The following IQCK variants were observed in gnomAD, a reference collection of about 807,000 sequenced individuals.
IQCK encodes the protein IQ domain-containing protein K.
Under a neutral mutation model 28.1 loss-of-function variants are expected in IQCK, and 29 were observed. The ratio of observed to expected loss-of-function variants is 1.03; its 90% CI spans 0.77 to 1.41. IQCK has a LOEUF of 1.41. IQCK is among the 40% of genes most tolerant of loss of function. The pLI is 0.00. For synonymous variants in IQCK, 113 were observed against 115.1 expected (o/e 0.98, Z 0.12); for missense variants, 359 against 314.7 (o/e 1.14, Z -1.07).
chr16:19,849,883 C>A (rs1323097933), intron 9 of IQCK, among the ~76,000 whole-genome samples: 2 of 152,208 alleles, frequency 1.3e-5, no homozygotes, highest in Non-Finnish European at 2.9e-5. Context: ...CAGACAGAAG[C>A]CTCCATGCCC....
At chr16:19,743,004 A>G (rs1395932342) in intron 4 of IQCK, among the ~76,000 whole-genome samples, 1 of 152,162 alleles carries the variant, frequency 6.6e-6, no homozygotes, top group African/African-American at 2.4e-5. Flanking sequence ...CCCTGTCTCT[A>G]CTAAGAATAC....
chr16:19,739,888 T>C (rs72769533), intron 4 of IQCK, among the ~76,000 whole-genome samples: 15,039 of 152,314 alleles, frequency 0.099, 849 homozygotes, highest in Non-Finnish European at 0.13. Flanking sequence ...ATGCACCATC[T>C]TGTTTCACCC....
At chr16:19,807,261 C>T (rs908448443) in intron 7 of IQCK, among the ~76,000 whole-genome samples, 3 of 152,202 alleles carry the variant, frequency 2.0e-5, no homozygotes, top group African/African-American at 7.2e-5. Context: ...CAGCTGACAT[C>T]CTAACTGCAG....
intron 9 of IQCK, among the ~76,000 whole-genome samples, chr16:19,842,050 T>C (rs1197866223): frequency 3.9e-5 from 6 of 152,162 alleles, no homozygotes; most frequent in Non-Finnish European, 8.8e-5. Context: ...TTCACCATGT[T>C]GGCCAGGCTG....
intron 4 of IQCK, among the ~76,000 whole-genome samples, chr16:19,754,452 T>A (rs1014385871): frequency 3.9e-5 from 6 of 152,216 alleles, no homozygotes; most frequent in Admixed American, 6.5e-5. Context: ...TTACTCCATG[T>A]AACGTAAAAT....
intron 4 of IQCK, among the ~76,000 whole-genome samples, chr16:19,745,961 T>G (rs527419909): frequency 6.6e-6 from 1 of 152,218 alleles, no homozygotes; most frequent in South Asian, 2.1e-4. Context: ...AAAGCAAAAG[T>G]GCAAAGCCAA....
Position 19,718,440 on chromosome 16 carries a change from AG to A in IQCK, c.136del (p.Val46SerfsTer35), listed in dbSNP as rs1977329375. ...CGCGAGCTGCCTGTCTCGTCGTGGC[AG>A]GTCACCGAGCCGTCAAGCAAGAATC... On this transcript the variant is annotated frameshift_variant, in exon 1 of 8. Coordinates refer to ENST00000564186, the Ensembl canonical transcript of IQCK. LOFTEE classifies it high-confidence loss of function. The A allele has an allele frequency of 6.2e-7, 1 of 1,606,642 alleles. No homozygotes were observed. The highest frequency in any genetic ancestry group is 8.5e-7 in the Non-Finnish European group (1 of 1,177,798).
chr16:19,833,946 G>A (rs2056264157), intron 9 of IQCK, among the ~76,000 whole-genome samples: 1 of 152,046 alleles, frequency 6.6e-6, no homozygotes, highest in Non-Finnish European at 1.5e-5. Context: ...AAATTAGCCA[G>A]GCGTGCTAGC....
In IQCK at chr16:19,814,739, G is replaced by T. The variant is rs138146076; in HGVS notation, c.691-12287G>T. 5.5e-4 allele frequency among the ~76,000 whole-genome samples: 83 copies of T among 150,698 alleles called. 1 individual carries two copies. The Middle Eastern group carries it at 0.028, about 50-fold the overall frequency. The stretch of plus-strand genomic sequence containing the variant: ...AGAAAAGTAATATAGCAATATTAAG[G>T]TGAGATAAATAGACAAAAGGCCGAA... On this transcript the variant is annotated intron_variant, in intron 7 of 7. Coordinates refer to ENST00000564186, the Ensembl canonical transcript of IQCK.
chr16:19,816,117 G>A lies in IQCK; in HGVS notation c.691-10909G>A, dbSNP rs189958845. 3.6e-4 allele frequency among the ~76,000 whole-genome samples: 55 copies of A among 152,206 alleles called. No individual in the cohort carries two copies. The East Asian group carries it at 0.01, about 28-fold the overall frequency. ...CTCCAGAGCAATTAGAAAAAGCCCTGGGAATCATCCTCAGTCATCCAGGCT... is the reference window on the plus strand; with the variant it reads ...CTCCAGAGCAATTAGAAAAAGCCCTAGGAATCATCCTCAGTCATCCAGGCT... On this transcript the variant is annotated intron_variant, in intron 7 of 7. Coordinates refer to ENST00000564186, the Ensembl canonical transcript of IQCK.
At chr16:19,845,903 C>A (rs922369864) in intron 9 of IQCK, among the ~76,000 whole-genome samples, 1 of 151,810 alleles carries the variant, frequency 6.6e-6, no homozygotes, top group Non-Finnish European at 1.5e-5. Context: ...GGTGAAACCC[C>A]ATCTCTACCA....
chr16:19,735,303 G>T (rs774424808), intron 3 of IQCK, 50 bp from the exon 4 acceptor site: 2 of 1,238,530 alleles, frequency 1.6e-6, no homozygotes, highest in South Asian at 1.2e-5. Context: ...TCCCAGATTG[G>T]CTCGGGCCAC....
intron 6 of IQCK, among the ~76,000 whole-genome samples, chr16:19,768,549 C>G (rs940205989): frequency 6.6e-6 from 1 of 152,232 alleles, no homozygotes; most frequent in African/African-American, 2.4e-5. Flanking sequence ...GAGTTTGAGA[C>G]TAGCCTGGCC....
At chr16:19,846,965 G>A (rs969270927) in intron 9 of IQCK, among the ~76,000 whole-genome samples, 2 of 152,120 alleles carry the variant, frequency 1.3e-5, no homozygotes, top group African/African-American at 4.8e-5. Context: ...GGTGTCAGAT[G>A]ATGGTTAAGA....
chr16:19,733,727 T>C (rs887739989), exon 3 of IQCK: 13 of 1,614,104 alleles, frequency 8.1e-6, no homozygotes, highest in South Asian at 1.1e-5. Context: ...TGCTTTTTCA[T>C]GGCTTCAGTG....
At chr16:19,772,523 A>G (rs2055333386) in intron 6 of IQCK, among the ~76,000 whole-genome samples, 1 of 152,194 alleles carries the variant, frequency 6.6e-6, no homozygotes, top group South Asian at 2.1e-4. Context: ...ATTACTTTTC[A>G]GAGAAACATG....
At chr16:19,732,755 A>G (rs1977880487) in intron 2 of IQCK, among the ~76,000 whole-genome samples, 1 of 152,114 alleles carries the variant, frequency 6.6e-6, no homozygotes, top group South Asian at 2.1e-4. Flanking sequence ...GAGCCACCAC[A>G]CCCAGCACAA....
chr16:19,739,665 A>G (rs140622083), intron 4 of IQCK, among the ~76,000 whole-genome samples: 13 of 152,188 alleles, frequency 8.5e-5, no homozygotes, highest in Admixed American at 5.2e-4. Context: ...AAATACGAAA[A>G]TTAGCTGGGC....
intron 9 of IQCK, among the ~76,000 whole-genome samples, chr16:19,849,787 AAAAG>A (rs576484014): frequency 9.1e-4 from 138 of 152,128 alleles, no homozygotes; most frequent in African/African-American, 3.2e-3. Context: ...AAAGAAAAGA[AAAAG>A]AAGGAATGAA....
Sources: gnomAD v4.1 joint callset for allele counts (sites outside exome capture counted in the v4.1 genomes callset) on GRCh38, gnomAD v4.1.1 for gene constraint, MANE v1.5 for transcripts, NCBI Gene and HGNC (gene_info 2026-07-23, HGNC 2026-07-21) for gene names.